GPR137C: variants seen among roughly 807,000 people sequenced by gnomAD.
GPR137C encodes the protein G protein-coupled receptor 137C, also known as integral membrane protein GPR137C.
A neutral mutation model predicts 43.4 loss-of-function variants in GPR137C; 27 were observed. The observed-to-expected ratio is 0.62, with a 90% CI of 0.46 to 0.86. The LOEUF (loss-of-function observed/expected upper bound fraction) is 0.86, where lower values mean the gene tolerates loss of function less well. Among genes scored for constraint, GPR137C ranks in the 40% least tolerant of loss-of-function variants. The pLI is 0.00. For missense variants in GPR137C, 522 were observed against 534.6 expected, an observed-to-expected ratio of 0.98 and a Z score of 0.23; for synonymous variants, 285 against 226.9, an observed-to-expected ratio of 1.26 and a Z score of -2.30.
intron 1 of GPR137C, among the ~76,000 whole-genome samples, chr14:52,559,269 G>A (rs1026527938): frequency 4.6e-5 from 7 of 151,988 alleles, no homozygotes; most frequent in South Asian, 4.1e-4. Context: ...CCAGCTACCC[G>A]GGAAGAGAGA....
At chr14:52,556,385 T>G (rs1415957178) in intron 1 of GPR137C, among the ~76,000 whole-genome samples, 2 of 107,732 alleles carry the variant, frequency 1.9e-5, no homozygotes, top group Admixed American at 1.8e-4. Context: ...CCTCAACCCC[T>G]TTTTTCTTTT....
intron 3 of GPR137C, among the ~76,000 whole-genome samples, chr14:52,625,350 C>T (rs1394512940): frequency 6.7e-6 from 1 of 149,978 alleles, no homozygotes; most frequent in Non-Finnish European, 1.5e-5. Context: ...GGCGTGGTGG[C>T]GCGCACCTGT....
chr14:52,576,342 A>G (rs1350674443), intron 1 of GPR137C, among the ~76,000 whole-genome samples: 2 of 152,218 alleles, frequency 1.3e-5, no homozygotes, highest in African/African-American at 2.4e-5. Flanking sequence ...TGGTCCATAT[A>G]TACCACATTT....
chr14:52,600,831 A>G (rs2038915571), intron 3 of GPR137C, among the ~76,000 whole-genome samples: 1 of 152,222 alleles, frequency 6.6e-6, no homozygotes, highest in Non-Finnish European at 1.5e-5. Flanking sequence ...ATATAAAATC[A>G]TGCTAGCATC....
At position 52,552,887 on chromosome 14, in the gene GPR137C, G is replaced by A. The variant is rs2038097993; in HGVS notation, c.-261G>A. Among the ~76,000 whole-genome samples, 1 of 152,008 alleles carries A rather than the reference G, an allele frequency of 6.6e-6. No homozygotes were observed. Among genetic ancestry groups the A allele is most frequent in the Non-Finnish European group, 1.5e-5 (1 of 67,962 alleles). ...CGGGTTTCTCAGCTGATTGTCTCCA[G>A]CCGAGAGTTGTTTTTTGCAGCTACG... is the stretch of plus-strand genomic sequence containing the variant. On this transcript the variant is annotated 5_prime_UTR_variant, in exon 1 of 7. Coordinates refer to ENST00000321662, the MANE Select transcript of GPR137C (RefSeq NM_001099652.2).
At chr14:52,570,915 T>C (rs1038181399) in intron 1 of GPR137C, among the ~76,000 whole-genome samples, 9 of 152,284 alleles carry the variant, frequency 5.9e-5, no homozygotes, top group Admixed American at 1.3e-4. Flanking sequence ...CCACTGTCCA[T>C]ATTAGACAGA....
At chr14:52,572,963 C>A (rs1364628905) in intron 1 of GPR137C, among the ~76,000 whole-genome samples, 1 of 150,750 alleles carries the variant, frequency 6.6e-6, no homozygotes. Context: ...ATAGAGAACT[C>A]CCATGTATAA....
chr14:52,553,024 C>A lies in GPR137C; in HGVS notation c.-124C>A. The A allele has an allele frequency of 2.7e-6, 1 of 369,484 alleles. No individual in the cohort carries two copies. Among genetic ancestry groups the A allele is most frequent in the Non-Finnish European group, 3.9e-6 (1 of 256,042 alleles). 22.9% of individuals were successfully genotyped at this position (369,484 alleles called of 1,614,324 possible). On this transcript the variant is annotated 5_prime_UTR_variant, in exon 1 of 7. Coordinates refer to ENST00000321662, the MANE Select transcript of GPR137C (RefSeq NM_001099652.2). ...CGCTGGACTCCGGGTCCCGTCACGG[C>A]GCTTCCTGGGGTTAGAGGCTGGGGT...
chr14:52,605,624 C>T (rs2038975649), intron 3 of GPR137C, among the ~76,000 whole-genome samples: 1 of 152,118 alleles, frequency 6.6e-6, no homozygotes, highest in South Asian at 2.1e-4. Flanking sequence ...TATGTTGTTC[C>T]AGATTTTAGT....
At chr14:52,603,740 T>C (rs1594799400) in intron 3 of GPR137C, among the ~76,000 whole-genome samples, 1 of 152,070 alleles carries the variant, frequency 6.6e-6, no homozygotes, top group East Asian at 1.9e-4. Context: ...GGTTTCACCA[T>C]GTTGGCCGGG....
chr14:52,558,244 G>T (rs184762644), intron 1 of GPR137C, among the ~76,000 whole-genome samples: 16 of 152,254 alleles, frequency 1.1e-4, no homozygotes, highest in Admixed American at 9.8e-4. Flanking sequence ...GGGAGGTGTC[G>T]TTGCAGGCTG....
At chr14:52,578,763 G>A (rs1265574487) in intron 1 of GPR137C, among the ~76,000 whole-genome samples, 1 of 152,072 alleles carries the variant, frequency 6.6e-6, no homozygotes, top group East Asian at 1.9e-4. Context: ...GGCCAGCGTG[G>A]CAAAACCGTG....
At chr14:52,568,420 A>G (rs887615396) in intron 1 of GPR137C, among the ~76,000 whole-genome samples, 1 of 151,536 alleles carries the variant, frequency 6.6e-6, no homozygotes, top group Non-Finnish European at 1.5e-5. Flanking sequence ...TTTTTTTTTC[A>G]TACCCCGGTG....
intron 3 of GPR137C, among the ~76,000 whole-genome samples, chr14:52,610,522 T>C (rs749304487): frequency 6.6e-5 from 10 of 152,208 alleles, no homozygotes; most frequent in Non-Finnish European, 1.2e-4. Context: ...ATTACTATTT[T>C]GTTAATTTCT....
intron 3 of GPR137C, among the ~76,000 whole-genome samples, chr14:52,629,707 G>T (rs1405585654): frequency 6.6e-6 from 1 of 152,122 alleles, no homozygotes; most frequent in Non-Finnish European, 1.5e-5. Flanking sequence ...GGGGTGTGAG[G>T]GAACTTTCTG....
intron 1 of GPR137C, among the ~76,000 whole-genome samples, chr14:52,560,970 A>G (rs2038274110): frequency 6.6e-6 from 1 of 152,240 alleles, no homozygotes; most frequent in Non-Finnish European, 1.5e-5. Flanking sequence ...CTGGCAAAGT[A>G]CGTTTATCCA....
intron 1 of GPR137C, among the ~76,000 whole-genome samples, chr14:52,592,964 G>T (rs1323337121): frequency 6.6e-6 from 1 of 152,098 alleles, no homozygotes; most frequent in Non-Finnish European, 1.5e-5. Context: ...ACTGGCTGTG[G>T]GTTTGTAATA....
At chr14:52,598,163 G>T in intron 1 of GPR137C, 109 bp from the exon 2 acceptor site, 1 of 442,700 alleles carries the variant, frequency 2.3e-6, no homozygotes, top group East Asian at 3.5e-5. Flanking sequence ...TCAACTTTGC[G>T]TGCTATATGT....
At position 52,603,893 on chromosome 14, in the gene GPR137C, A is replaced by C. The variant is rs549479142; in HGVS notation, c.717+3552A>C. 1.8e-4 allele frequency among the ~76,000 whole-genome samples: 28 copies of C among 152,204 alleles called. No homozygotes were observed. The East Asian group carries it at 5.4e-3, about 29-fold the overall frequency. The stretch of plus-strand genomic sequence containing the variant: ...CTTTACATTCCCATCAACAGTGTAC[A>C]GGCATTCCCCTTTCTCTGCATCTCT... On this transcript the variant is annotated intron_variant, in intron 3 of 6. Coordinates refer to ENST00000321662, the MANE Select transcript of GPR137C (RefSeq NM_001099652.2).
Sources: gnomAD v4.1 joint callset for allele counts (sites outside exome capture counted in the v4.1 genomes callset) on GRCh38, gnomAD v4.1.1 for gene constraint, MANE v1.5 for transcripts, NCBI Gene and HGNC (gene_info 2026-07-23, HGNC 2026-07-21) for gene names.